The following DPYSL5 variants were observed in gnomAD, a reference collection of about 807,000 sequenced individuals.
DPYSL5 encodes dihydropyrimidinase-related protein 5.
DPYSL5 carries 9 observed loss-of-function variants against 58.4 expected under a neutral mutation model. The observed-to-expected ratio is 0.15, with a 90% CI of 0.09 to 0.27. The LOEUF (loss-of-function observed/expected upper bound fraction) is 0.27, where lower values mean the gene tolerates loss of function less well. DPYSL5 is among the 10% of genes least tolerant of loss of function. DPYSL5 has a pLI of 1.00. For missense variants in DPYSL5, 499 were observed against 770.6 expected (o/e 0.65, Z 4.17); for synonymous variants, 293 against 301.9 (o/e 0.97, Z 0.31).
chr2:26,948,590 G>C lies in DPYSL5; in HGVS notation c.*1595G>C, dbSNP rs1458177823. 1 of 152,666 alleles carries C rather than the reference G, an allele frequency of 6.6e-6. No homozygotes were observed. The highest frequency in any genetic ancestry group is 1.5e-5 in the Non-Finnish European group (1 of 68,400). 9.5% of individuals were successfully genotyped at this position (152,666 alleles called of 1,614,324 possible). On this transcript the variant is annotated 3_prime_UTR_variant, in exon 13 of 13. Coordinates refer to ENST00000288699, the MANE Select transcript of DPYSL5 (RefSeq NM_020134.4). ...AGGTCAGCCCCTGGCCGGGTGCGGT[G>C]GCTCACGCCTGTAATCCCAGCACTT...
At position 26,942,069 on chromosome 2, in the gene DPYSL5, G is replaced by A. The variant is rs924271830; in HGVS notation, c.1209G>A (p.Val403=). 6.2e-7 allele frequency: 1 copy of A among 1,614,098 alleles called. No homozygotes were observed. Among genetic ancestry groups the A allele is most frequent in the African/African-American group, 1.3e-5 (1 of 74,926 alleles). ...RIIPGADADV[V]VWDPEATKTI... ...TTCCCGGAGCCGATGCTGATGTGGT[G>A]GTGTGGGACCCAGAAGCCACAAAGT... is the stretch of plus-strand genomic sequence containing the variant. The change falls in exon 10 of 13, where the codon GTG becomes GTA. Residue 403 remains valine (V), a synonymous_variant. Coordinates refer to ENST00000288699, the MANE Select transcript of DPYSL5 (RefSeq NM_020134.4). The surrounding 1 kb of genome is among the most constrained non-coding windows in gnomAD (Gnocchi z 5.9).
At chr2:26,861,035 C>T (rs1256238644) in intron 1 of DPYSL5, among the ~76,000 whole-genome samples, 1 of 152,130 alleles carries the variant, frequency 6.6e-6, no homozygotes, top group Admixed American at 6.5e-5. Context: ...CTGTCAGAGA[C>T]TCAACAAGAC....
intron 1 of DPYSL5, among the ~76,000 whole-genome samples, chr2:26,869,740 G>A (rs542484888): frequency 7.2e-5 from 11 of 152,188 alleles, no homozygotes; most frequent in Admixed American, 3.3e-4. Context: ...GGCCGGACGC[G>A]GTGGCTCACA....
chr2:26,894,467 G>A (rs1051579909), intron 1 of DPYSL5, among the ~76,000 whole-genome samples: 1 of 152,130 alleles, frequency 6.6e-6, no homozygotes, highest in African/African-American at 2.4e-5. Flanking sequence ...GGCAAGGTGG[G>A]CATAATAATA....
intron 1 of DPYSL5, among the ~76,000 whole-genome samples, chr2:26,888,209 T>TTTTCTTTCTTTCTTTCTTTCTTTC (rs70953832): frequency 2.1e-4 from 22 of 105,128 alleles, no homozygotes; most frequent in South Asian, 6.8e-4. Context: ...CTTCCCTTTC[T>TTTTCTTTCTTTCTTTCTTTCTTTC]TTTCTTTCTT....
At chr2:26,945,942 G>C (rs975945267) in intron 12 of DPYSL5, among the ~76,000 whole-genome samples, 1 of 152,192 alleles carries the variant, frequency 6.6e-6, no homozygotes, top group Non-Finnish European at 1.5e-5. Flanking sequence ...GAAGAGATGA[G>C]GTCCCTGTTG....
intron 12 of DPYSL5, among the ~76,000 whole-genome samples, chr2:26,945,176 G>A (rs938997423): frequency 6.6e-6 from 1 of 151,900 alleles, no homozygotes; most frequent in Non-Finnish European, 1.5e-5. Flanking sequence ...TGTGGTTCAC[G>A]GGACTGCACC....
chr2:26,898,626 A>G lies in DPYSL5; in HGVS notation c.127A>G (p.Met43Val), dbSNP rs1664076360. The G allele has an allele frequency of 6.2e-7, 1 of 1,614,052 alleles. No homozygotes were observed. Among genetic ancestry groups the G allele is most frequent in the Non-Finnish European group, 8.5e-7 (1 of 1,180,040 alleles). Reference protein sequence around the residue: ...GIIQQVGRELMIPGGAKVIDA... With the variant: ...GIIQQVGRELVIPGGAKVIDA... ...CATCCAGCAGGTGGGCCGCGAGCTC[A>G]TGATCCCTGGCGGGGCCAAGGTGAT... Residue 43 changes from methionine to valine, a missense_variant, in exon 2 of 13, where the codon ATG becomes GTG. Coordinates refer to ENST00000288699, the MANE Select transcript of DPYSL5 (RefSeq NM_020134.4). The surrounding 1 kb of genome is among the most constrained non-coding windows in gnomAD (Gnocchi z 6.1).
At chr2:26,904,853 G>T (rs779988612) in intron 2 of DPYSL5, among the ~76,000 whole-genome samples, 3 of 152,226 alleles carry the variant, frequency 2.0e-5, no homozygotes, top group Non-Finnish European at 2.9e-5. Context: ...GCAGTGAGCT[G>T]TGATTGCACC....
At chr2:26,857,900 G>A (rs537677802) in intron 1 of DPYSL5, among the ~76,000 whole-genome samples, 4 of 152,242 alleles carry the variant, frequency 2.6e-5, no homozygotes, top group African/African-American at 7.2e-5. Flanking sequence ...GGCCAGTATC[G>A]TCATGTGGCC....
At chr2:26,930,501 C>T (rs6737091) in intron 5 of DPYSL5, among the ~76,000 whole-genome samples, 143,286 of 152,178 alleles carry the variant, frequency 0.94, 68,040 homozygotes, top group East Asian at 1. Context: ...CTAAACATCC[C>T]ACAATGCGCA....
At position 26,944,503 on chromosome 2, in the gene DPYSL5, A is replaced by G. The variant is rs1334280246; in HGVS notation, c.1441-153A>G. Among the ~76,000 whole-genome samples, 1 of 152,116 alleles carries G rather than the reference A, an allele frequency of 6.6e-6. No individual in the cohort carries two copies. Among genetic ancestry groups the G allele is most frequent in the Non-Finnish European group, 1.5e-5 (1 of 68,000 alleles). On this transcript the variant is annotated intron_variant, in intron 11 of 12. Coordinates refer to ENST00000288699, the MANE Select transcript of DPYSL5 (RefSeq NM_020134.4). This position sits in a 1 kb window ranked among gnomAD's most constrained non-coding sequence, Gnocchi z 4.4. ...GAGAAAACTCCAGCCCCTGGACTCA[A>G]TGTTTAAGAAGCCTTGGTCACTTGC... is the stretch of plus-strand genomic sequence containing the variant.
chr2:26,928,502 C>T (rs950049751), intron 5 of DPYSL5, among the ~76,000 whole-genome samples, 179 bp downstream of exon 5: 1 of 150,998 alleles, frequency 6.6e-6, no homozygotes, highest in Non-Finnish European at 1.5e-5. Context: ...TAAGACCAGC[C>T]TGGGCAACAT....
chr2:26,944,650 C>G lies in DPYSL5; in HGVS notation c.1441-6C>G. ...GTTCTTCTGCTCTTCTTCCATCCTT[C>G]CCTAGACTTTAAAGGTTAGAGGAGT... On this transcript the variant is annotated splice_polypyrimidine_tract_variant and splice_region_variant and intron_variant, in intron 11 of 12. Transcript: ENST00000288699. The surrounding 1 kb of genome is among the most constrained non-coding windows in gnomAD (Gnocchi z 4.4). 1 of 1,613,168 alleles carries G rather than the reference C, an allele frequency of 6.2e-7. No individual in the cohort carries two copies. The highest frequency in any genetic ancestry group is 8.5e-7 in the Non-Finnish European group (1 of 1,179,466).
rs542727726 is a variant in DPYSL5 at position 26,933,525 on chromosome 2, G to C, written c.790+192G>C. Among the ~76,000 whole-genome samples the C allele has an allele frequency of 1.3e-5, 2 of 152,316 alleles. No homozygotes were observed. The highest frequency in any genetic ancestry group is 4.1e-4 in the South Asian group (2 of 4,826). ...CTGGCTTTAGTCTGCTAGAACATGA[G>C]CTTTTTCTTCTGCAAATTTGTATGC... On this transcript the variant is annotated intron_variant, in intron 7 of 12. Transcript: ENST00000288699. This position sits in a 1 kb window ranked among gnomAD's most constrained non-coding sequence, Gnocchi z 4.2.
intron 1 of DPYSL5, among the ~76,000 whole-genome samples, chr2:26,855,534 C>T (rs1245210423): frequency 3.3e-5 from 5 of 152,146 alleles, no homozygotes; most frequent in African/African-American, 1.2e-4. Context: ...ACGTGTCACT[C>T]CCTACTACCT....
rs527791495 is a variant in DPYSL5, at chr2:26,940,350, C to A, written c.1089+178C>A. On this transcript the variant is annotated intron_variant, in intron 9 of 12. Coordinates refer to ENST00000288699, the MANE Select transcript of DPYSL5 (RefSeq NM_020134.4). ...AAACAAAACACAAAAGGTCTTTCCC[C>A]CAATTAGAAAGGTAGTAAGACCTAT... 4.6e-5 allele frequency among the ~76,000 whole-genome samples: 7 copies of A among 152,040 alleles called. No homozygotes were observed. In the East Asian group the frequency reaches 1.4e-3, roughly 29 times the overall value.
At chr2:26,883,546 G>GCACCATCAT (rs1663627203) in intron 1 of DPYSL5, among the ~76,000 whole-genome samples, 1 of 152,030 alleles carries the variant, frequency 6.6e-6, no homozygotes, top group Admixed American at 6.6e-5. Flanking sequence ...TTACAGGCAC[G>GCACCATCAT]CACCATCATG....
At chr2:26,922,961 T>G (rs781481983) in intron 2 of DPYSL5, among the ~76,000 whole-genome samples, 1 of 152,332 alleles carries the variant, frequency 6.6e-6, no homozygotes, top group Non-Finnish European at 1.5e-5. Flanking sequence ...ACTGGGAACA[T>G]TCTCGCTGGC....
Sources: gnomAD v4.1 joint callset for allele counts (sites outside exome capture counted in the v4.1 genomes callset) on GRCh38, gnomAD v4.1.1 for gene constraint, Gnocchi (gnomAD v3.1) non-coding constraint, MANE v1.5 for transcripts, NCBI Gene and HGNC (gene_info 2026-07-23, HGNC 2026-07-21) for gene names.